SRPK2: variants seen among roughly 807,000 people sequenced by gnomAD.
SRPK2 encodes the protein SRSF protein kinase 2.
SRPK2 carries 21 observed loss-of-function variants against 90.8 expected under a neutral mutation model. The ratio of observed to expected loss-of-function variants is 0.23; its 90% confidence interval spans 0.16 to 0.33. The LOEUF (loss-of-function observed/expected upper bound fraction) is 0.33, where lower values mean the gene tolerates loss of function less well. Ranked by LOEUF, SRPK2 falls within the 10% of genes least tolerant of loss-of-function variation. SRPK2 has a pLI of 1.00. For missense variants in SRPK2, 620 were observed against 869.0 expected (o/e 0.71, Z 3.60); for synonymous variants, 288 against 311.1 (o/e 0.93, Z 0.78).
chr7:105,300,940 G>A (rs765849939), intron 2 of SRPK2, among the ~76,000 whole-genome samples: 8 of 152,164 alleles, frequency 5.3e-5, no homozygotes, highest in Non-Finnish European at 8.8e-5. Context: ...TAGTTCAACC[G>A]TCGTGGAAGA....
At chr7:105,370,784 T>C (rs1371735841) in intron 2 of SRPK2, among the ~76,000 whole-genome samples, 1 of 151,928 alleles carries the variant, frequency 6.6e-6, no homozygotes, top group Non-Finnish European at 1.5e-5. Context: ...CCTGACTAAT[T>C]TTTTGTATTT....
chr7:105,284,210 G>T (rs1807728415), intron 2 of SRPK2, among the ~76,000 whole-genome samples: 1 of 152,150 alleles, frequency 6.6e-6, no homozygotes, highest in Non-Finnish European at 1.5e-5. Flanking sequence ...ATCTGACCAG[G>T]GAAAGGGAGT....
At chr7:105,267,372 C>T (rs935329309) in intron 2 of SRPK2, among the ~76,000 whole-genome samples, 1 of 152,192 alleles carries the variant, frequency 6.6e-6, no homozygotes, top group Admixed American at 6.5e-5. Flanking sequence ...TAGTACCAAA[C>T]TCTAACATTA....
chr7:105,123,412 G>A (rs1434217254), intron 15 of SRPK2, among the ~76,000 whole-genome samples: 2 of 152,156 alleles, frequency 1.3e-5, no homozygotes, highest in Non-Finnish European at 2.9e-5. Context: ...GAAAGAGCGG[G>A]AAAACCTCCT....
At chr7:105,383,053 ATTTTTTTT>A in intron 2 of SRPK2, among the ~76,000 whole-genome samples, 1 of 101,666 alleles carries the variant, frequency 9.8e-6, no homozygotes, top group Middle Eastern at 5.0e-3. Flanking sequence ...AAAAGTAAAA[ATTTTTTTT>A]TTTTTTTTTT....
rs142579227 is a variant in SRPK2, at chr7:105,134,202, G to T, written c.1544-1098C>A. Among the ~76,000 whole-genome samples the T allele has an allele frequency of 2.0e-5, 3 of 152,218 alleles. No individual in the cohort carries two copies. The East Asian group carries it at 5.8e-4, about 29-fold the overall frequency. On this transcript the variant is annotated intron_variant, in intron 11 of 15. Coordinates refer to ENST00000393651, the MANE Select transcript of SRPK2 (RefSeq NM_182692.3). Reference sequence around the variant, plus strand: ...TGTGTCCCTGCCCATAACTCATGTCGAATTGTAATCCCTAGTGTTAGAAGA... The same window carrying T: ...TGTGTCCCTGCCCATAACTCATGTCTAATTGTAATCCCTAGTGTTAGAAGA...
At chr7:105,190,651 T>A (rs1219265067) in intron 3 of SRPK2, among the ~76,000 whole-genome samples, 1 of 152,188 alleles carries the variant, frequency 6.6e-6, no homozygotes, top group Non-Finnish European at 1.5e-5. Context: ...CGTTCAATAA[T>A]GTGCCACACT....
intron 3 of SRPK2, among the ~76,000 whole-genome samples, chr7:105,173,749 G>A (rs1436129394): frequency 6.6e-6 from 1 of 152,158 alleles, no homozygotes; most frequent in Non-Finnish European, 1.5e-5. Context: ...AAAGGAGTAT[G>A]GGACAATAAC....
intron 2 of SRPK2, among the ~76,000 whole-genome samples, chr7:105,330,022 G>A (rs543858016): frequency 1.9e-3 from 295 of 152,138 alleles, no homozygotes; most frequent in South Asian, 3.9e-3. Flanking sequence ...GCAACAGAGC[G>A]AGACTCTGTC....
rs1197015608 is a variant in SRPK2 at position 105,146,514 on chromosome 7, G to T, written c.766C>A (p.Pro256Thr). 1 of 1,614,110 alleles carries T rather than the reference G, an allele frequency of 6.2e-7. No homozygotes were observed. Residue 256 changes from proline (P) to threonine (T), a missense_variant, in exon 8 of 16, where the codon CCT becomes ACT. Pro to Thr is a conservative substitution (Grantham distance 38, BLOSUM62 -1). Transcript: ENST00000393651. ...TCACCTGCAGACCCTGAAGGAGGAGGAGCACCTGCTTTCTGCCACTCAGTG... is the reference window on the plus strand; with the variant it reads ...TCACCTGCAGACCCTGAAGGAGGAGTAGCACCTGCTTTCTGCCACTCAGTG... ...EATEWQKAGA[P>T]PPSGSAVSTA...
At chr7:105,396,817 AGAAAGAG>A (rs1563329656) in intron 1 of SRPK2, among the ~76,000 whole-genome samples, 14 of 78,228 alleles carry the variant, frequency 1.8e-4, no homozygotes, top group Non-Finnish European at 3.4e-4. Flanking sequence ...AAAGAAAGAG[AGAAAGAG>A]AGAGAGAGAG....
In SRPK2 at chr7:105,312,258, A is replaced by G. The variant is rs567721583; in HGVS notation, c.71+76390T>C. Among the ~76,000 whole-genome samples, 3 of 152,166 alleles carry G rather than the reference A, an allele frequency of 2.0e-5. No homozygotes were observed. In the East Asian group the frequency reaches 5.8e-4, roughly 29 times the overall value. ...AGTTCGAGACCAGCCTGGACAATAT[A>G]GTGAAACTACGTCTCTACTAAAAAT... On this transcript the variant is annotated intron_variant, in intron 2 of 15. Transcript: ENST00000393651.
intron 2 of SRPK2, among the ~76,000 whole-genome samples, chr7:105,331,720 C>T (rs57051304): frequency 0.012 from 1,764 of 152,150 alleles, 32 homozygotes; most frequent in African/African-American, 0.041. Context: ...GTAAATAGCA[C>T]AAAAAGTGTA....
intron 11 of SRPK2, among the ~76,000 whole-genome samples, chr7:105,134,273 T>C (rs949062365): frequency 2.0e-5 from 3 of 152,122 alleles, no homozygotes; most frequent in Non-Finnish European, 4.4e-5. Flanking sequence ...GATTTCCACG[T>C]TGCTGTTCTC....
intron 2 of SRPK2, among the ~76,000 whole-genome samples, chr7:105,248,026 G>A (rs1563142026): frequency 1.3e-5 from 2 of 151,990 alleles, no homozygotes; most frequent in Non-Finnish European, 2.9e-5. Context: ...GATTAATTCT[G>A]TATTTTTAGT....
chr7:105,382,240 G>T (rs1222705190), intron 2 of SRPK2, among the ~76,000 whole-genome samples: 3 of 149,766 alleles, frequency 2.0e-5, no homozygotes, highest in Non-Finnish European at 3.0e-5. Flanking sequence ...CCACACAATG[G>T]AATACTTGTT....
chr7:105,297,737 A>ATTTTTTTTT (rs202204947), intron 2 of SRPK2, among the ~76,000 whole-genome samples: 1 of 120,098 alleles, frequency 8.3e-6, no homozygotes, highest in African/African-American at 3.2e-5. Context: ...TAAGCTGTAA[A>ATTTTTTTTT]TTTTTTTTTT....
chr7:105,369,300 C>A (rs1005777906), intron 2 of SRPK2, among the ~76,000 whole-genome samples: 1 of 152,030 alleles, frequency 6.6e-6, no homozygotes, highest in Non-Finnish European at 1.5e-5. Flanking sequence ...GAGCATGCAA[C>A]CAGGCCCAGC....
chr7:105,187,571 C>T (rs930902796), intron 3 of SRPK2, among the ~76,000 whole-genome samples: 10 of 152,144 alleles, frequency 6.6e-5, no homozygotes, highest in Non-Finnish European at 7.3e-5. Flanking sequence ...TGAAATTTAG[C>T]TTAAACTAAA....
Sources: gnomAD v4.1 joint callset for allele counts (sites outside exome capture counted in the v4.1 genomes callset) on GRCh38, gnomAD v4.1.1 for gene constraint, MANE v1.5 for transcripts, NCBI Gene and HGNC (gene_info 2026-07-23, HGNC 2026-07-21) for gene names.